The following ZNF385D variants were observed in gnomAD, a reference collection of about 807,000 sequenced individuals.
ZNF385D encodes the protein zinc finger protein 385D.
In ZNF385D, 15 loss-of-function variants were observed where a neutral mutation model predicts 35.8. That is an observed-to-expected ratio of 0.42 (90% CI 0.28 to 0.64). ZNF385D has a LOEUF of 0.64. Among genes scored for constraint, ZNF385D ranks in the 30% least tolerant of loss-of-function variants. The probability of loss-of-function intolerance (pLI) is 0.23; values close to 1 mark genes in which losing one functional copy is unlikely to be tolerated. For synonymous variants in ZNF385D, 212 were observed against 186.8 expected (o/e 1.13, Z -1.10); for missense variants, 474 against 494.6 (o/e 0.96, Z 0.39).
chr3:21,847,117 C>T (rs1416172140), intron 3 of ZNF385D, among the ~76,000 whole-genome samples: 2 of 152,002 alleles, frequency 1.3e-5, no homozygotes, highest in Non-Finnish European at 2.9e-5. Context: ...GATTTCACCT[C>T]TGGAAATCCA....
chr3:22,318,623 A>C (rs536175450), intron 2 of ZNF385D, among the ~76,000 whole-genome samples: 1 of 152,298 alleles, frequency 6.6e-6, no homozygotes, highest in East Asian at 1.9e-4. Context: ...ATATTTTGGA[A>C]GCAGCAAGCA....
At chr3:21,927,660 T>A (rs1700796598) in intron 3 of ZNF385D, among the ~76,000 whole-genome samples, 1 of 152,190 alleles carries the variant, frequency 6.6e-6, no homozygotes, top group East Asian at 1.9e-4. Context: ...CTATGCACAA[T>A]GTAAACATAA....
intron 2 of ZNF385D, among the ~76,000 whole-genome samples, chr3:21,582,155 T>C (rs946727446): frequency 9.9e-5 from 15 of 152,216 alleles, no homozygotes; most frequent in African/African-American, 2.9e-4. Flanking sequence ...TCCAGGTTTA[T>C]TGAAATCTAA....
At chr3:21,573,352 A>T (rs1460091975) in intron 2 of ZNF385D, among the ~76,000 whole-genome samples, 1 of 151,604 alleles carries the variant, frequency 6.6e-6, no homozygotes, top group Non-Finnish European at 1.5e-5. Flanking sequence ...TAAAATTTAA[A>T]ATAACAAGAT....
intron 2 of ZNF385D, among the ~76,000 whole-genome samples, chr3:21,630,619 A>G (rs2065253634): frequency 6.6e-6 from 1 of 152,000 alleles, no homozygotes; most frequent in Non-Finnish European, 1.5e-5. Flanking sequence ...TTTGGGCCTC[A>G]CTCTGCACAT....
chr3:21,729,727 G>A (rs962043933), intron 1 of ZNF385D, among the ~76,000 whole-genome samples: 3 of 152,166 alleles, frequency 2.0e-5, no homozygotes, highest in African/African-American at 7.2e-5. Context: ...AAAAAAGAGA[G>A]AATACCTTAA....
chr3:22,290,740 C>G (rs1702258743), intron 2 of ZNF385D, among the ~76,000 whole-genome samples: 1 of 152,074 alleles, frequency 6.6e-6, no homozygotes, highest in African/African-American at 2.4e-5. Context: ...ATTTTCTCAA[C>G]TTGTTTATCT....
rs192641783 is a variant in ZNF385D at position 21,617,793 on chromosome 3, T to C, written c.165+47093A>G. Among the ~76,000 whole-genome samples the C allele has an allele frequency of 3.9e-3, 591 of 152,278 alleles. 19 individuals carry two copies. Among genetic ancestry groups the C allele is most frequent in the Non-Finnish European group, 2.9e-4 (20 of 68,026 alleles). On this transcript the variant is annotated intron_variant, in intron 2 of 7. Transcript: ENST00000281523. ...TGGTACGATGTTTGAGACTGCATGG[T>C]GGAAGGGAAAGAACACTGGGTGAGG... is the stretch of plus-strand genomic sequence containing the variant.
chr3:21,674,025 G>T (rs1481191800), intron 1 of ZNF385D, among the ~76,000 whole-genome samples: 1 of 152,098 alleles, frequency 6.6e-6, no homozygotes, highest in Non-Finnish European at 1.5e-5. Flanking sequence ...CTAAAATCTT[G>T]TTACATGGTC....
At chr3:21,893,430 C>T (rs1416543614) in intron 3 of ZNF385D, among the ~76,000 whole-genome samples, 1 of 152,124 alleles carries the variant, frequency 6.6e-6, no homozygotes, top group Non-Finnish European at 1.5e-5. Context: ...TGTTTTACTG[C>T]ACTGGTCTGT....
intron 3 of ZNF385D, among the ~76,000 whole-genome samples, chr3:22,161,637 A>G (rs943509770): frequency 5.3e-5 from 8 of 152,128 alleles, no homozygotes; most frequent in Admixed American, 5.2e-4. Context: ...AAAGTATGCT[A>G]ACAGAAAAAG....
At position 21,712,947 on chromosome 3, in the gene ZNF385D, C is replaced by T. The variant is rs146802147; in HGVS notation, c.22+37948G>A. Among the ~76,000 whole-genome samples, 348 of 152,330 alleles carry T rather than the reference C, an allele frequency of 2.3e-3. 1 individual carries two copies. The highest frequency in any genetic ancestry group is 8.1e-3 in the African/African-American group (336 of 41,578). On this transcript the variant is annotated intron_variant, in intron 1 of 7. Coordinates refer to ENST00000281523, the MANE Select transcript of ZNF385D (RefSeq NM_024697.3). ...TCAACCCATCACACACACAAATACA[C>T]ATGCACAAACACTATTTCCAACTTG...
chr3:22,360,215 GA>G (rs372416471), intron 2 of ZNF385D, among the ~76,000 whole-genome samples: 38 of 152,070 alleles, frequency 2.5e-4, no homozygotes, highest in East Asian at 1.2e-3. Context: ...AGCTAGTAAT[GA>G]AAAGCATTAT....
chr3:21,425,695 A>C (rs1559437039), intron 5 of ZNF385D, 25 bp from the exon 6 acceptor site: 4 of 1,479,264 alleles, frequency 2.7e-6, no homozygotes, highest in Non-Finnish European at 3.6e-6. Flanking sequence ...GAAATGAAGG[A>C]AGGAAAGGAG....
intron 3 of ZNF385D, among the ~76,000 whole-genome samples, chr3:21,759,209 G>A (rs1472959993): frequency 6.6e-6 from 1 of 152,000 alleles, no homozygotes; most frequent in Admixed American, 6.6e-5. Context: ...ATTATGAAGG[G>A]GTTCAGGCAA....
intron 3 of ZNF385D, among the ~76,000 whole-genome samples, chr3:21,908,565 A>C (rs1426778397): frequency 6.6e-6 from 1 of 152,136 alleles, no homozygotes; most frequent in Non-Finnish European, 1.5e-5. Flanking sequence ...GAGTAGCAGA[A>C]GCACAAATCA....
intron 3 of ZNF385D, among the ~76,000 whole-genome samples, chr3:21,907,236 T>G (rs986227052): frequency 1.3e-5 from 2 of 152,192 alleles, no homozygotes; most frequent in African/African-American, 4.8e-5. Context: ...AAAACATGTA[T>G]CTGTAACAAC....
chr3:22,371,433 AG>A (rs1384132054), intron 2 of ZNF385D, among the ~76,000 whole-genome samples: 4 of 152,056 alleles, frequency 2.6e-5, no homozygotes, highest in Non-Finnish European at 4.4e-5. Context: ...AGTCAGTTCA[AG>A]GTTCCAGAAT....
chr3:22,011,152 T>C (rs571315211), intron 3 of ZNF385D, among the ~76,000 whole-genome samples: 17 of 152,280 alleles, frequency 1.1e-4, no homozygotes, highest in Non-Finnish European at 1.9e-4. Context: ...ATAACTACAG[T>C]AATTTATGAG....
Sources: gnomAD v4.1 joint callset for allele counts (sites outside exome capture counted in the v4.1 genomes callset) on GRCh38, gnomAD v4.1.1 for gene constraint, MANE v1.5 for transcripts, NCBI Gene and HGNC (gene_info 2026-07-23, HGNC 2026-07-21) for gene names.